SGCD: variants seen among roughly 807,000 people sequenced by gnomAD.
SGCD encodes sarcoglycan delta, also known as delta-sarcoglycan.
A neutral mutation model predicts 36.6 loss-of-function variants in SGCD; 18 were observed. That is an observed-to-expected ratio of 0.49 (90% CI 0.34 to 0.73). The LOEUF (loss-of-function observed/expected upper bound fraction) is 0.73. Among genes scored for constraint, SGCD ranks in the 30% least tolerant of loss-of-function variants. SGCD has a pLI of 0.01. For missense variants in SGCD, 387 were observed against 346.7 expected, an observed-to-expected ratio of 1.12 and a Z score of -0.92; for synonymous variants, 133 against 130.6, an observed-to-expected ratio of 1.02 and a Z score of -0.12.
chr5:156,180,725 C>T (rs567032554), intron 3 of SGCD, among the ~76,000 whole-genome samples: 1 of 152,148 alleles, frequency 6.6e-6, no homozygotes, highest in African/African-American at 2.4e-5. Context: ...TGAAGAGGGG[C>T]TGGATGATTG....
Position 156,188,092 on chromosome 5 carries a change from A to G in SGCD, c.-44+64073A>G, listed in dbSNP as rs547536371. On this transcript the variant is annotated intron_variant, in intron 3 of 9. Transcript: ENST00000517913. ...AAGAGTAAGTGTTTCCTTACATTTTATGCCCCAGATGCCTTATTAGCCTTG... is the reference window on the plus strand; with the variant it reads ...AAGAGTAAGTGTTTCCTTACATTTTGTGCCCCAGATGCCTTATTAGCCTTG... Among the ~76,000 whole-genome samples the G allele has an allele frequency of 1.3e-4, 20 of 152,292 alleles. 1 individual carries two copies. In the South Asian group the frequency reaches 4.1e-3, roughly 32 times the overall value.
chr5:156,165,689 G>A (rs898618954), intron 3 of SGCD, among the ~76,000 whole-genome samples: 1 of 152,188 alleles, frequency 6.6e-6, no homozygotes, highest in African/African-American at 2.4e-5. Context: ...ACAAGGTTTA[G>A]AAATCTTGCA....
At chr5:155,730,850 C>T in the SGCD span, among the ~76,000 whole-genome samples, 35,676 of 152,130 alleles carry the variant, frequency 0.23, 5,204 homozygotes, top group East Asian at 0.38. Flanking sequence ...TAGTTTCCCT[C>T]CTAAGGAGCG....
At chr5:156,236,208 C>A (rs1445341538) in intron 3 of SGCD, among the ~76,000 whole-genome samples, 1 of 151,872 alleles carries the variant, frequency 6.6e-6, no homozygotes, top group African/African-American at 2.4e-5. Flanking sequence ...CTCAGATGTT[C>A]TATATTTGAG....
intron 1 of SGCD, among the ~76,000 whole-genome samples, chr5:155,952,714 C>T (rs1463017083): frequency 1.3e-5 from 2 of 152,222 alleles, no homozygotes; most frequent in Non-Finnish European, 2.9e-5. Flanking sequence ...TCTGCCTGTG[C>T]ATTACTGCTT....
At chr5:156,266,380 G>T (rs1222389561) in intron 3 of SGCD, among the ~76,000 whole-genome samples, 1 of 152,168 alleles carries the variant, frequency 6.6e-6, no homozygotes, top group Non-Finnish European at 1.5e-5. Context: ...TGTCAAAAAT[G>T]TCCTGTAGCT....
At chr5:155,806,830 T>C in the SGCD span, among the ~76,000 whole-genome samples, 4 of 152,218 alleles carry the variant, frequency 2.6e-5, no homozygotes, top group African/African-American at 7.2e-5. Context: ...TTGCATTAAT[T>C]TCACTTATAA....
intron 4 of SGCD, among the ~76,000 whole-genome samples, chr5:156,541,636 G>A (rs1479940062): frequency 1.3e-5 from 2 of 152,052 alleles, no homozygotes; most frequent in Non-Finnish European, 2.9e-5. Flanking sequence ...GGTGATGAAG[G>A]GGCGCATCAT....
chr5:156,167,988 C>T (rs2127620857), intron 3 of SGCD, among the ~76,000 whole-genome samples: 1 of 152,324 alleles, frequency 6.6e-6, no homozygotes, highest in Non-Finnish European at 1.5e-5. Context: ...AGCACCATGT[C>T]TTAGTTTTGT....
chr5:156,346,759 C>A (rs979694507), intron 3 of SGCD, among the ~76,000 whole-genome samples: 2 of 151,504 alleles, frequency 1.3e-5, no homozygotes, highest in Non-Finnish European at 2.9e-5. Flanking sequence ...TCAATCAATA[C>A]TTCTCAACTT....
chr5:156,710,956 T>C (rs920564460), intron 7 of SGCD, among the ~76,000 whole-genome samples: 3 of 152,242 alleles, frequency 2.0e-5, no homozygotes, highest in African/African-American at 4.8e-5. Flanking sequence ...TAAAATACTT[T>C]TCTTTCTTTC....
intron 7 of SGCD, among the ~76,000 whole-genome samples, chr5:156,655,251 C>T (rs114968668): frequency 2.3e-4 from 35 of 152,258 alleles, no homozygotes; most frequent in South Asian, 1.2e-3. Context: ...TATTTCAAAA[C>T]GCTTCTCCAT....
At chr5:156,214,610 A>G (rs1403241269) in intron 3 of SGCD, among the ~76,000 whole-genome samples, 1 of 152,122 alleles carries the variant, frequency 6.6e-6, no homozygotes, top group Non-Finnish European at 1.5e-5. Flanking sequence ...TAAAATTTTT[A>G]TGGAACCACA....
At chr5:156,621,137 A>G (rs1374212280) in intron 6 of SGCD, among the ~76,000 whole-genome samples, 1 of 152,200 alleles carries the variant, frequency 6.6e-6, no homozygotes, top group East Asian at 1.9e-4. Flanking sequence ...GTGTTGACCA[A>G]AGGGACACTC....
chr5:156,049,962 A>T (rs1188092519), intron 1 of SGCD, among the ~76,000 whole-genome samples: 1 of 146,810 alleles, frequency 6.8e-6, no homozygotes, highest in Admixed American at 6.8e-5. Flanking sequence ...CCTCTTTTGA[A>T]TGGGCAAAGA....
intron 3 of SGCD, among the ~76,000 whole-genome samples, chr5:156,420,273 G>T (rs1773240784): frequency 6.6e-6 from 1 of 152,048 alleles, no homozygotes; most frequent in South Asian, 2.1e-4. Context: ...AATGTCCAGA[G>T]AACTCCTAAT....
At chr5:155,934,085 C>A (rs529779016) in intron 1 of SGCD, among the ~76,000 whole-genome samples, 1 of 152,304 alleles carries the variant, frequency 6.6e-6, no homozygotes, top group Non-Finnish European at 1.5e-5. Context: ...ACTGATTAAT[C>A]AAGCTTTGGC....
intron 4 of SGCD, among the ~76,000 whole-genome samples, chr5:156,556,548 C>A (rs1759028623): frequency 6.6e-6 from 1 of 152,078 alleles, no homozygotes. Flanking sequence ...TGCTGAGGTC[C>A]TCATGGGTTT....
In SGCD at chr5:156,426,535, T is replaced by C. The variant is rs1580975637; in HGVS notation, c.192+81858T>C. 2.0e-5 allele frequency among the ~76,000 whole-genome samples: 3 copies of C among 152,132 alleles called. No individual in the cohort carries two copies. The East Asian group carries it at 5.8e-4, about 29-fold the overall frequency. On this transcript the variant is annotated intron_variant, in intron 3 of 8. Coordinates refer to ENST00000337851, the MANE Select transcript of SGCD (RefSeq NM_000337.6). ...TCTAGGTTGTCTCTTTGCTGATTAT[T>C]TCTTTTGCTGTGCAGAAGCTTTTTA...
Sources: allele counts gnomAD v4.1 joint callset (sites outside exome capture counted in the v4.1 genomes callset), GRCh38; gene constraint gnomAD v4.1.1; transcripts MANE v1.5; gene names NCBI Gene and HGNC (gene_info 2026-07-23, HGNC 2026-07-21).